Variants in SORCS3 observed in about 807,000 individuals in gnomAD.
SORCS3 encodes the protein sortilin related VPS10 domain containing receptor 3, also known as VPS10 domain-containing receptor SorCS3.
Under a neutral mutation model 146.3 loss-of-function variants are expected in SORCS3, and 57 were observed. The ratio of observed to expected loss-of-function variants is 0.39; its 90% CI spans 0.31 to 0.49. The LOEUF is 0.49. Among genes scored for constraint, SORCS3 ranks in the 20% least tolerant of loss-of-function variants. The pLI is 0.92. For synonymous variants in SORCS3, 653 were observed against 618.5 expected, an observed-to-expected ratio of 1.06 and a Z score of -0.83; for missense variants, 1,341 against 1,575.5, an observed-to-expected ratio of 0.85 and a Z score of 2.52.
At chr10:104,977,625 T>C in intron 4 of SORCS3, 132 bp downstream of exon 4, 3 of 839,610 alleles carry the variant, frequency 3.6e-6, no homozygotes, top group Non-Finnish European at 5.2e-6. Context: ...CATTTCATCA[T>C]TGATTTTGTC....
chr10:104,940,238 A>ATATATATATATT (rs1435205868), intron 3 of SORCS3, among the ~76,000 whole-genome samples: 54 of 31,458 alleles, frequency 1.7e-3, no homozygotes, highest in East Asian at 6.3e-3. Flanking sequence ...ATATATATAT[A>ATATATATATATT]TTTTTTTTTT....
In SORCS3 at chr10:104,641,668, G is replaced by A; in HGVS notation, c.341G>A (p.Arg114Gln). The A allele has an allele frequency of 6.6e-7, 1 of 1,525,976 alleles. No homozygotes were observed. 94.5% of individuals were successfully genotyped at this position (1,525,976 alleles called of 1,614,324 possible). The part of the protein sequence containing the change: ...EAGGTSPAGE[R>Q]RGRGIPAPAK... Reference sequence around the variant, plus strand: ...GGAGGGACATCACCGGCAGGCGAGCGGCGGGGCCGGGGCATCCCAGCTCCT... The same window carrying A: ...GGAGGGACATCACCGGCAGGCGAGCAGCGGGGCCGGGGCATCCCAGCTCCT... Residue 114 changes from arginine (R) to glutamine (Q), a missense_variant, in exon 1 of 27, where the codon CGG (arginine) becomes CAG (glutamine). Physicochemically the swap from Arg to Gln is conservative, Grantham distance 43. Transcript: ENST00000369701. This position sits in a 1 kb window ranked among gnomAD's most constrained non-coding sequence, Gnocchi z 6.4.
At chr10:104,821,076 T>C (rs2017867486) in intron 1 of SORCS3, among the ~76,000 whole-genome samples, 2 of 152,216 alleles carry the variant, frequency 1.3e-5, no homozygotes, top group East Asian at 1.9e-4. Context: ...AAGACTTAGA[T>C]TTTCTTAGTA....
intron 3 of SORCS3, among the ~76,000 whole-genome samples, chr10:104,936,380 G>A (rs888650477): frequency 1.3e-5 from 2 of 152,104 alleles, no homozygotes; most frequent in African/African-American, 2.4e-5. Flanking sequence ...CTAGAAAAGT[G>A]GGATCAACCC....
intron 6 of SORCS3, among the ~76,000 whole-genome samples, chr10:105,096,312 A>C (rs1226995385): frequency 6.6e-6 from 1 of 152,156 alleles, no homozygotes; most frequent in Non-Finnish European, 1.5e-5. Flanking sequence ...GAACTTTAAC[A>C]TGCATGTGCA....
At chr10:104,834,597 C>T (rs2018044570) in intron 1 of SORCS3, among the ~76,000 whole-genome samples, 1 of 151,780 alleles carries the variant, frequency 6.6e-6, no homozygotes, top group African/African-American at 2.4e-5. Flanking sequence ...GGAACCACCC[C>T]TGTGTGTTTG....
intron 17 of SORCS3, among the ~76,000 whole-genome samples, chr10:105,212,334 C>G (rs897080083): frequency 1.3e-5 from 2 of 152,128 alleles, no homozygotes; most frequent in Admixed American, 6.5e-5. Flanking sequence ...GGACTTAAGG[C>G]ATTCAAATTG....
intron 1 of SORCS3, among the ~76,000 whole-genome samples, chr10:104,775,353 A>G (rs535479716): frequency 6.6e-6 from 1 of 152,312 alleles, no homozygotes; most frequent in South Asian, 2.1e-4. Context: ...AGTAAGTGTT[A>G]TTTCTTTTTC....
At chr10:104,939,630 C>T (rs910356661) in intron 3 of SORCS3, among the ~76,000 whole-genome samples, 1 of 152,082 alleles carries the variant, frequency 6.6e-6, no homozygotes, top group African/African-American at 2.4e-5. Flanking sequence ...CAAGGCCAGC[C>T]AAACTGTCCC....
intron 4 of SORCS3, among the ~76,000 whole-genome samples, chr10:104,992,154 G>A (rs1268958092): frequency 6.6e-6 from 1 of 152,132 alleles, no homozygotes; most frequent in African/African-American, 2.4e-5. Context: ...GAGGGAGCAG[G>A]GGGTAGGGCT....
intron 20 of SORCS3, among the ~76,000 whole-genome samples, chr10:105,232,209 AT>A (rs1466358715): frequency 6.6e-6 from 1 of 152,102 alleles, no homozygotes; most frequent in Non-Finnish European, 1.5e-5. Context: ...TACTGATTCA[AT>A]TTATTTAATA....
At chr10:105,234,644 C>T (rs192111221) in intron 20 of SORCS3, among the ~76,000 whole-genome samples, 1 of 151,020 alleles carries the variant, frequency 6.6e-6, no homozygotes, top group Non-Finnish European at 1.5e-5. Context: ...CAGCTGTGTT[C>T]AGTCTGCTAA....
At chr10:105,004,711 A>G (rs1399575002) in intron 4 of SORCS3, among the ~76,000 whole-genome samples, 1 of 151,064 alleles carries the variant, frequency 6.6e-6, no homozygotes, top group African/African-American at 2.4e-5. Context: ...AGAGTAGAAG[A>G]GGTCAGAAAA....
chr10:104,785,573 A>G (rs1213011454), intron 1 of SORCS3, among the ~76,000 whole-genome samples: 1 of 65,652 alleles, frequency 1.5e-5, no homozygotes, highest in Non-Finnish European at 2.8e-5. Context: ...CCCAAGAATT[A>G]TCAATAAAAA....
Position 105,256,937 on chromosome 10 carries a change from A to T in SORCS3, c.3443+13A>T. The T allele has an allele frequency of 2.5e-6, 4 of 1,588,214 alleles. No individual in the cohort carries two copies. Among genetic ancestry groups the T allele is most frequent in the Non-Finnish European group, 3.5e-6 (4 of 1,156,512 alleles). On this transcript the variant is annotated intron_variant, in intron 25 of 26. Coordinates refer to ENST00000369701, the MANE Select transcript of SORCS3 (RefSeq NM_014978.3). ...ACAAGTTTAAAAGGTATGTCCTATT[A>T]TCACTCAATTTAGTAGTGGGGTTGG...
At chr10:104,828,593 G>A (rs911760887) in intron 1 of SORCS3, among the ~76,000 whole-genome samples, 1 of 152,130 alleles carries the variant, frequency 6.6e-6, no homozygotes, top group East Asian at 1.9e-4. Flanking sequence ...CACAAGGTGG[G>A]CACATGCTGT....
chr10:105,002,239 G>A (rs754062323), intron 4 of SORCS3, among the ~76,000 whole-genome samples: 1 of 152,098 alleles, frequency 6.6e-6, no homozygotes, highest in Non-Finnish European at 1.5e-5. Flanking sequence ...TGACAAAGGA[G>A]GGGAGACCAA....
chr10:104,774,405 GTGTC>G (rs2017284971), intron 1 of SORCS3, among the ~76,000 whole-genome samples: 1 of 152,164 alleles, frequency 6.6e-6, no homozygotes, highest in Non-Finnish European at 1.5e-5. Flanking sequence ...TCTGCAACCT[GTGTC>G]GACGCTGCCA....
chr10:104,907,432 A>G (rs2018917858), intron 2 of SORCS3, among the ~76,000 whole-genome samples: 1 of 152,218 alleles, frequency 6.6e-6, no homozygotes, highest in Non-Finnish European at 1.5e-5. Context: ...TTCACACCAA[A>G]TAAAGAAAGG....
Sources: gnomAD v4.1 joint callset for allele counts (sites outside exome capture counted in the v4.1 genomes callset) on GRCh38, gnomAD v4.1.1 for gene constraint, Gnocchi (gnomAD v3.1) non-coding constraint, MANE v1.5 for transcripts, NCBI Gene and HGNC (gene_info 2026-07-23, HGNC 2026-07-21) for gene names.